ZDHHC14: variants seen among roughly 807,000 people sequenced by gnomAD.
The protein encoded by ZDHHC14 is zDHHC palmitoyltransferase 14.
Under a neutral mutation model 47.7 loss-of-function variants are expected in ZDHHC14, and 16 were observed. The ratio of observed to expected loss-of-function variants is 0.34; its 90% CI spans 0.23 to 0.51. The LOEUF (loss-of-function observed/expected upper bound fraction) is 0.51. Among genes scored for constraint, ZDHHC14 ranks in the 20% least tolerant of loss-of-function variants. ZDHHC14 has a pLI of 0.97. For synonymous variants in ZDHHC14, 293 were observed against 278.9 expected (o/e 1.05, Z -0.50); for missense variants, 515 against 662.5 (o/e 0.78, Z 2.44).
intron 1 of ZDHHC14, among the ~76,000 whole-genome samples, chr6:157,430,307 TG>T (rs1251576633): frequency 8.6e-6 from 1 of 116,584 alleles, no homozygotes. Context: ...AAAGCAAGAC[TG>T]TGTAAAAAAA....
chr6:157,547,046 G>C (rs1781998826), intron 2 of ZDHHC14, among the ~76,000 whole-genome samples: 1 of 152,212 alleles, frequency 6.6e-6, no homozygotes, highest in South Asian at 2.1e-4. Flanking sequence ...CCAGATCAAA[G>C]GATGCTGGTG....
At chr6:157,542,168 A>G (rs1277825600) in intron 1 of ZDHHC14, among the ~76,000 whole-genome samples, 1 of 152,170 alleles carries the variant, frequency 6.6e-6, no homozygotes, top group Non-Finnish European at 1.5e-5. Context: ...TCTCATGAAG[A>G]TCATTCTAAA....
intron 3 of ZDHHC14, among the ~76,000 whole-genome samples, chr6:157,602,286 C>A (rs963343277): frequency 1.3e-5 from 2 of 151,370 alleles, no homozygotes; most frequent in African/African-American, 2.4e-5. Context: ...GTGGGCCAGT[C>A]ACTTGAGGTC....
At chr6:157,441,849 A>G (rs1238328889) in intron 1 of ZDHHC14, among the ~76,000 whole-genome samples, 1 of 152,176 alleles carries the variant, frequency 6.6e-6, no homozygotes, top group Admixed American at 6.5e-5. Flanking sequence ...AAAAAAGAAA[A>G]GAAAAAATCA....
intron 1 of ZDHHC14, among the ~76,000 whole-genome samples, chr6:157,534,602 T>TCATTTCATTTCA (rs1337197421): frequency 6.8e-6 from 1 of 147,834 alleles, no homozygotes. Context: ...TCATTTCATG[T>TCATTTCATTTCA]TTTTGAGACA....
At chr6:157,612,924 G>A (rs1030910676) in intron 3 of ZDHHC14, among the ~76,000 whole-genome samples, 37 of 151,714 alleles carry the variant, frequency 2.4e-4, no homozygotes, top group Admixed American at 2.2e-3. Flanking sequence ...AAAGCCTCGG[G>A]CACCCAATCT....
At chr6:157,412,480 G>T (rs1203320992) in intron 1 of ZDHHC14, among the ~76,000 whole-genome samples, 1 of 151,432 alleles carries the variant, frequency 6.6e-6, no homozygotes, top group Admixed American at 6.6e-5. Flanking sequence ...TTTAATAGAG[G>T]CAGGGTTTCA....
At chr6:157,578,562 GT>G (rs1011713813) in intron 2 of ZDHHC14, among the ~76,000 whole-genome samples, 8 of 152,146 alleles carry the variant, frequency 5.3e-5, no homozygotes, top group African/African-American at 1.9e-4. Flanking sequence ...ATATGGTTAG[GT>G]TTTGTGGCCC....
At chr6:157,539,973 G>T (rs576910519) in intron 1 of ZDHHC14, among the ~76,000 whole-genome samples, 1 of 152,184 alleles carries the variant, frequency 6.6e-6, no homozygotes, top group South Asian at 2.1e-4. Context: ...TTCCTGCGGG[G>T]ACAGGAGCAG....
chr6:157,617,484 A>G (rs1785014838), intron 3 of ZDHHC14, among the ~76,000 whole-genome samples: 1 of 152,164 alleles, frequency 6.6e-6, no homozygotes, highest in South Asian at 2.1e-4. Context: ...GGTCCTGCTC[A>G]TAGACACAGC....
intron 7 of ZDHHC14, among the ~76,000 whole-genome samples, chr6:157,648,025 C>T (rs1390187564): frequency 6.6e-6 from 1 of 152,186 alleles, no homozygotes; most frequent in Non-Finnish European, 1.5e-5. Context: ...CCCAAGATCA[C>T]ACAGCAAGTA....
chr6:157,651,532 T>C (rs899640926), intron 7 of ZDHHC14, among the ~76,000 whole-genome samples: 13 of 151,848 alleles, frequency 8.6e-5, no homozygotes, highest in African/African-American at 3.1e-4. Flanking sequence ...AGACTTCATA[T>C]CTTTCTGCAC....
chr6:157,673,628 G>A lies in ZDHHC14; in HGVS notation c.*506G>A, dbSNP rs1020426484. 5 of 154,018 alleles carry A rather than the reference G, an allele frequency of 3.2e-5. No homozygotes were observed. The highest frequency in any genetic ancestry group is 1.2e-4 in the African/African-American group (5 of 41,194). 9.5% of individuals were successfully genotyped at this position (154,018 alleles called of 1,614,324 possible). ...CAGTGGTGTTGCTATTTCCAAGGAA[G>A]TGCTGCTTTCTTTTTCTTTTTTTAA... On this transcript the variant is annotated 3_prime_UTR_variant, in exon 9 of 9. Transcript: ENST00000359775. The surrounding 1 kb of genome is among the most constrained non-coding windows in gnomAD (Gnocchi z 5.4).
intron 1 of ZDHHC14, among the ~76,000 whole-genome samples, chr6:157,480,247 T>C (rs1025286127): frequency 1.3e-5 from 2 of 150,662 alleles, no homozygotes; most frequent in Admixed American, 6.6e-5. Flanking sequence ...TTTTTTGTTG[T>C]TGTTGTTTTG....
intron 1 of ZDHHC14, among the ~76,000 whole-genome samples, chr6:157,532,384 G>T (rs533591095): frequency 1.3e-5 from 2 of 152,190 alleles, no homozygotes; most frequent in Admixed American, 6.5e-5. Context: ...GAACATTGCC[G>T]GTGTTGAGGA....
intron 1 of ZDHHC14, among the ~76,000 whole-genome samples, chr6:157,461,536 TG>T (rs1779086667): frequency 1.3e-5 from 2 of 152,164 alleles, no homozygotes; most frequent in Admixed American, 6.5e-5. Flanking sequence ...CAAAGGCATT[TG>T]GATTAGTGAA....
At chr6:157,669,337 G>T (rs146551754) in intron 8 of ZDHHC14, among the ~76,000 whole-genome samples, 1 of 152,116 alleles carries the variant, frequency 6.6e-6, no homozygotes, top group East Asian at 1.9e-4. Flanking sequence ...GGGTGGTGGG[G>T]GGGGAAGACA....
chr6:157,484,314 T>C (rs200053740), intron 1 of ZDHHC14, among the ~76,000 whole-genome samples: 19 of 104,094 alleles, frequency 1.8e-4, no homozygotes, highest in South Asian at 1.1e-3. Context: ...TACATATATA[T>C]ACACATATAT....
chr6:157,566,078 C>CT (rs1782890093), intron 2 of ZDHHC14, among the ~76,000 whole-genome samples: 1 of 152,178 alleles, frequency 6.6e-6, no homozygotes, highest in African/African-American at 2.4e-5. Flanking sequence ...ATAAAAGGCA[C>CT]TTTTCTTAGA....
Sources: gnomAD v4.1 joint callset for allele counts (sites outside exome capture counted in the v4.1 genomes callset) on GRCh38, gnomAD v4.1.1 for gene constraint, Gnocchi (gnomAD v3.1) non-coding constraint, MANE v1.5 for transcripts, NCBI Gene and HGNC (gene_info 2026-07-23, HGNC 2026-07-21) for gene names.